GREB1L: variants seen among roughly 807,000 people sequenced by gnomAD.
GREB1L encodes the protein GREB1-like protein.
GREB1L carries 17 observed loss-of-function variants against 200.8 expected under a neutral mutation model. The ratio of observed to expected loss-of-function variants is 0.08; its 90% CI spans 0.06 to 0.13. The LOEUF is 0.13. Among genes scored for constraint, GREB1L ranks in the 10% least tolerant of loss-of-function variants. The pLI is 1.00. For missense variants in GREB1L, 1,657 were observed against 2,367.7 expected (o/e 0.70, Z 6.23); for synonymous variants, 789 against 893.0 (o/e 0.88, Z 2.08).
At chr18:21,411,086 A>C (rs1043164477) in intron 7 of GREB1L, among the ~76,000 whole-genome samples, 3 of 152,256 alleles carry the variant, frequency 2.0e-5, no homozygotes, top group Non-Finnish European at 4.4e-5. Context: ...GGCAATAAAT[A>C]CATGAAAAGA....
rs183557466 is a variant in GREB1L, at chr18:21,340,092, C to T, written c.-119-25935C>T. 8.5e-5 allele frequency among the ~76,000 whole-genome samples: 13 copies of T among 152,296 alleles called. No homozygotes were observed. The East Asian group carries it at 2.5e-3, about 29-fold the overall frequency. ...ATGCTACAGGAATATAATTGTGGTCCCACTACCACAACCCCTCATTGCAGC... is the reference window on the plus strand; with the variant it reads ...ATGCTACAGGAATATAATTGTGGTCTCACTACCACAACCCCTCATTGCAGC... On this transcript the variant is annotated intron_variant, in intron 1 of 32. Coordinates refer to ENST00000424526, the MANE Select transcript of GREB1L (RefSeq NM_001142966.3).
chr18:21,427,507 A>G (rs1202912641), intron 7 of GREB1L, among the ~76,000 whole-genome samples: 1 of 71,006 alleles, frequency 1.4e-5, no homozygotes, highest in Non-Finnish European at 2.1e-5. Context: ...CCTGCCTCAA[A>G]AAAACAAAAA....
chr18:21,397,536 A>AT (rs1567977653), intron 5 of GREB1L, among the ~76,000 whole-genome samples: 6 of 134,084 alleles, frequency 4.5e-5, no homozygotes, highest in African/African-American at 1.6e-4. Context: ...AAAAAAAAAA[A>AT]AAAAAAATAA....
intron 2 of GREB1L, among the ~76,000 whole-genome samples, chr18:21,370,946 G>A (rs2039849309): frequency 6.6e-6 from 1 of 152,132 alleles, no homozygotes; most frequent in African/African-American, 2.4e-5. Context: ...CGGGCAGGTG[G>A]CACATGCCTC....
chr18:21,415,189 A>G (rs1458226091), intron 7 of GREB1L, among the ~76,000 whole-genome samples: 2 of 152,190 alleles, frequency 1.3e-5, no homozygotes, highest in African/African-American at 4.8e-5. Flanking sequence ...TGGTACCTGC[A>G]TGTGAAGAAA....
At chr18:21,447,032 C>T (rs539223586) in intron 11 of GREB1L, among the ~76,000 whole-genome samples, 28 of 152,278 alleles carry the variant, frequency 1.8e-4, no homozygotes, top group Non-Finnish European at 2.6e-4. Context: ...CCTCAGCTAA[C>T]CTAAGTTATT....
chr18:21,522,129 A>G (rs977678044), intron 32 of GREB1L, among the ~76,000 whole-genome samples: 3 of 152,092 alleles, frequency 2.0e-5, no homozygotes, highest in Non-Finnish European at 4.4e-5. Context: ...TAGTTATCAC[A>G]GGGAAGAGGG....
intron 1 of GREB1L, among the ~76,000 whole-genome samples, chr18:21,345,871 CAAAAA>C (rs34189374): frequency 1.3e-5 from 1 of 76,172 alleles, no homozygotes. Context: ...GACTCCATCT[CAAAAA>C]AAAAAAAAAA....
intron 1 of GREB1L, among the ~76,000 whole-genome samples, chr18:21,316,144 A>G (rs558156214): frequency 1.3e-5 from 2 of 152,246 alleles, no homozygotes; most frequent in African/African-American, 4.8e-5. Context: ...ATGATGAGGA[A>G]AGGAGCCAGA....
chr18:21,452,554 A>ATTTTTTAAT, intron 14 of GREB1L: 1 of 216,658 alleles, frequency 4.6e-6, no homozygotes. Flanking sequence ...ACCGTCTGAA[A>ATTTTTTAAT]GAGTCAGACT....
At chr18:21,379,196 T>C (rs1296850230) in intron 2 of GREB1L, among the ~76,000 whole-genome samples, 1 of 152,186 alleles carries the variant, frequency 6.6e-6, no homozygotes, top group Non-Finnish European at 1.5e-5. Flanking sequence ...TTGGAGAATG[T>C]AGCTTTTCAA....
chr18:21,333,643 C>A (rs1230230435), intron 1 of GREB1L, among the ~76,000 whole-genome samples: 1 of 150,602 alleles, frequency 6.6e-6, no homozygotes, highest in African/African-American at 2.5e-5. Flanking sequence ...CCATTGTACT[C>A]CAACCTGGGG....
chr18:21,344,948 T>G (rs2143096952), intron 1 of GREB1L, among the ~76,000 whole-genome samples: 1 of 152,354 alleles, frequency 6.6e-6, no homozygotes, highest in Non-Finnish European at 1.5e-5. Context: ...TGACTGCCTT[T>G]GGCTGAGTTC....
chr18:21,249,410 A>G (rs2037662352), intron 1 of GREB1L, among the ~76,000 whole-genome samples: 1 of 152,178 alleles, frequency 6.6e-6, no homozygotes, highest in African/African-American at 2.4e-5. Flanking sequence ...AGGACCCAGG[A>G]ATCTTTATTA....
chr18:21,457,600 G>T (rs8086339), intron 15 of GREB1L, among the ~76,000 whole-genome samples: 24,544 of 152,120 alleles, frequency 0.16, 2,117 homozygotes, highest in Middle Eastern at 0.26. Context: ...TGGCATTACA[G>T]TGTGTACCTC....
Position 21,278,105 on chromosome 18 carries a change from C to T in GREB1L, c.-120+35712C>T, listed in dbSNP as rs2038199972. On this transcript the variant is annotated intron_variant, in intron 1 of 32. Transcript: ENST00000424526. ...ATATTAAAGTTACAACAAGGCTGGG[C>T]ACAGTGGCTTATGCCTGTAGTCCCA... is the stretch of plus-strand genomic sequence containing the variant. Among the ~76,000 whole-genome samples, 3 of 152,162 alleles carry T rather than the reference C, an allele frequency of 2.0e-5. No homozygotes were observed. The South Asian group carries it at 6.2e-4, about 32-fold the overall frequency.
At chr18:21,369,518 ACTT>A (rs1444027586) in intron 2 of GREB1L, among the ~76,000 whole-genome samples, 1 of 152,196 alleles carries the variant, frequency 6.6e-6, no homozygotes, top group African/African-American at 2.4e-5. Flanking sequence ...GGTAACGTGT[ACTT>A]CTTTGTTACA....
intron 2 of GREB1L, among the ~76,000 whole-genome samples, chr18:21,382,452 A>C (rs945534894): frequency 1.7e-4 from 26 of 151,666 alleles, no homozygotes; most frequent in Admixed American, 1.6e-3. Context: ...GCCATTAATT[A>C]GCACCCAATA....
At chr18:21,437,080 A>C (rs968843599) in intron 7 of GREB1L, among the ~76,000 whole-genome samples, 4 of 151,954 alleles carry the variant, frequency 2.6e-5, no homozygotes, top group African/African-American at 9.7e-5. Flanking sequence ...TCATTTTTGG[A>C]AACTTTTCTT....
Sources: allele counts gnomAD v4.1 joint callset (sites outside exome capture counted in the v4.1 genomes callset), GRCh38; gene constraint gnomAD v4.1.1; transcripts MANE v1.5; gene names NCBI Gene and HGNC (gene_info 2026-07-23, HGNC 2026-07-21).